Variants in CSNK1E observed in about 807,000 individuals in gnomAD.
CSNK1E encodes casein kinase 1 epsilon, also known as casein kinase I isoform epsilon.
Under a neutral mutation model 46.1 loss-of-function variants are expected in CSNK1E, and 17 were observed. That is an observed-to-expected ratio of 0.37 (90% confidence interval 0.25 to 0.55). The LOEUF is 0.55. Ranked by LOEUF, CSNK1E falls within the 20% of genes least tolerant of loss-of-function variation. The probability of loss-of-function intolerance (pLI) is 0.82; values close to 1 mark genes in which losing one functional copy is unlikely to be tolerated. For synonymous variants in CSNK1E, 241 were observed against 242.6 expected (o/e 0.99, Z 0.06); for missense variants, 386 against 595.4 (o/e 0.65, Z 3.66).
Position 38,297,743 on chromosome 22 carries a change from C to T in CSNK1E, c.885+1043G>A, listed in dbSNP as rs141719461. On this transcript the variant is annotated intron_variant, in intron 7 of 10. Transcript: ENST00000396832. Reference sequence around the variant, plus strand: ...CCATCCCTCCCTCAGGCTGTCCTGGCCCTCAAGGACCCCATGGCAGGGCCT... The same window carrying T: ...CCATCCCTCCCTCAGGCTGTCCTGGTCCTCAAGGACCCCATGGCAGGGCCT... 3.7e-4 allele frequency: 366 copies of T among 997,360 alleles called. 1 individual carries two copies. In the African/African-American group the frequency reaches 5.9e-3, roughly 16 times the overall value. 61.8% of individuals were successfully genotyped at this position (997,360 alleles called of 1,614,324 possible). A position where few individuals can be genotyped will look rare whatever the true frequency, so the allele number is the denominator to read the frequency against.
chr22:38,297,228 G>A lies in CSNK1E; in HGVS notation c.885+1558C>T. The A allele has an allele frequency of 6.7e-6, 5 of 741,688 alleles. No homozygotes were observed. In the South Asian group the frequency reaches 7.1e-5, roughly 11 times the overall value. 45.9% of individuals were successfully genotyped at this position (741,688 alleles called of 1,614,324 possible). On this transcript the variant is annotated intron_variant, in intron 7 of 10. Transcript: ENST00000396832. ...CAAGCCCATCACGAACCAGACGTGG[G>A]AGTGACTATCTCGATAAGAAAGTGC...
In CSNK1E at chr22:38,300,810, C is replaced by T. The variant is rs1230602951; in HGVS notation, c.479G>A (p.Arg160His). The change falls in exon 5 of 11, where the codon CGC (arginine) becomes CAC (histidine). Residue 160 changes from arginine to histidine, a missense_variant. Transcript: ENST00000396832. This position sits in a 1 kb window ranked among gnomAD's most constrained non-coding sequence, Gnocchi z 4.4. Reference sequence around the variant, plus strand: ...CCGGTAGGGAATGTGCTGGTGGGTGCGGGCGTCCCGGTACTTCTTGGCCAG... The same window carrying T: ...CCGGTAGGGAATGTGCTGGTGGGTGTGGGCGTCCCGGTACTTCTTGGCCAG... ...FGLAKKYRDA[R>H]THQHIPYREN... 4.3e-6 allele frequency: 7 copies of T among 1,614,094 alleles called. No individual in the cohort carries two copies. Among genetic ancestry groups the T allele is most frequent in the South Asian group, 1.1e-5 (1 of 91,090 alleles).
chr22:38,299,003 C>G (rs895127700), intron 6 of CSNK1E, 69 bp from the exon 7 acceptor site: 96 of 1,575,612 alleles, frequency 6.1e-5, no homozygotes, highest in Non-Finnish European at 9.6e-6. Flanking sequence ...CTGCAGCCAG[C>G]ACTGTCCTAG....
At chr22:38,307,722 G>A (rs2092704560) in intron 2 of CSNK1E, among the ~76,000 whole-genome samples, 1 of 152,112 alleles carries the variant, frequency 6.6e-6, no homozygotes, top group Admixed American at 6.5e-5. Context: ...TTTGAGACAG[G>A]GTCTCAATCT....
Position 38,315,337 on chromosome 22 carries a change from G to A in CSNK1E, c.-12-1168C>T, listed in dbSNP as rs138246927. Among the ~76,000 whole-genome samples the A allele has an allele frequency of 2.9e-3, 444 of 152,356 alleles. 2 individuals are homozygous for A. Among genetic ancestry groups the A allele is most frequent in the Non-Finnish European group, 4.5e-3 (304 of 68,032 alleles). ...TTCCAGGGACAGTGGGCAGATCCCA[G>A]GAGAGACAGGGAACCCCGGCACCTG... On this transcript the variant is annotated intron_variant, in intron 1 of 10. Coordinates refer to ENST00000396832, the MANE Select transcript of CSNK1E (RefSeq NM_152221.3).
At position 38,314,089 on chromosome 22, in the gene CSNK1E, G is replaced by A; in HGVS notation, c.69C>T (p.Ile23=). 6.2e-7 allele frequency: 1 copy of A among 1,613,920 alleles called. No individual in the cohort carries two copies. The highest frequency in any genetic ancestry group is 1.7e-5 in the Admixed American group (1 of 60,018). Residue 23 remains isoleucine (I), a synonymous_variant, in exon 2 of 11, where the codon ATC becomes ATT. Coordinates refer to ENST00000396832, the MANE Select transcript of CSNK1E (RefSeq NM_152221.3). ...GGAGCTAGGAACACTTACCCAGGTA[G>A]ATATCTCCGAAGGACCCGCTCCCGA... The part of the protein sequence containing the change: ...RKIGSGSFGD[I]YLGANIASGE...
chr22:38,298,744 C>T lies in CSNK1E; in HGVS notation c.885+42G>A, dbSNP rs1468378508. 2 of 1,611,558 alleles carry T rather than the reference C, an allele frequency of 1.2e-6. No homozygotes were observed. The highest frequency in any genetic ancestry group is 2.2e-5 in the South Asian group (2 of 90,912). On this transcript the variant is annotated intron_variant, in intron 7 of 10. Coordinates refer to ENST00000396832, the MANE Select transcript of CSNK1E (RefSeq NM_152221.3). This position sits in a 1 kb window ranked among gnomAD's most constrained non-coding sequence, Gnocchi z 4.2. The stretch of plus-strand genomic sequence containing the variant: ...TGGCCCTCTGAGTCAGGGCCTTCCC[C>T]ATCCAGTCCCCCAAGCCCGCCTTGG...
chr22:38,310,190 C>T (rs549310678), intron 2 of CSNK1E, among the ~76,000 whole-genome samples: 7 of 152,302 alleles, frequency 4.6e-5, no homozygotes, highest in Admixed American at 1.3e-4. Context: ...GGGTGCCCCA[C>T]ATGCGAAGGC....
At chr22:38,316,126 G>T (rs898557210) in intron 1 of CSNK1E, among the ~76,000 whole-genome samples, 1 of 151,612 alleles carries the variant, frequency 6.6e-6, no homozygotes, top group African/African-American at 2.4e-5. Context: ...TAAACAAAGT[G>T]GGGGGAAAAG....
chr22:38,297,937 G>GCTCCTCCAC (rs1210115921), intron 7 of CSNK1E: 2 of 1,115,716 alleles, frequency 1.8e-6, no homozygotes, highest in African/African-American at 3.4e-5. Context: ...TGGGGGGACA[G>GCTCCTCCAC]CTCCTCCACC....
chr22:38,316,718 C>T (rs1254503073), intron 1 of CSNK1E: 5 of 152,318 alleles, frequency 3.3e-5, no homozygotes, highest in Non-Finnish European at 5.9e-5. Context: ...CTTGCGAACC[C>T]CCAGGTCCGG....
At chr22:38,314,845 T>C (rs575197424) in intron 1 of CSNK1E, among the ~76,000 whole-genome samples, 2 of 152,106 alleles carry the variant, frequency 1.3e-5, no homozygotes, top group Non-Finnish European at 2.9e-5. Context: ...GCAGCTTCTC[T>C]CCTTCCTCAG....
chr22:38,302,892 A>C lies in CSNK1E; in HGVS notation c.305T>G (p.Leu102Arg), dbSNP rs1436055057. ...LFNFCSRKFS[L>R]KTVLLLADQM... ...GTCGGCCAAGAGCAGCACCGTCTTGAGGCTGAATTTGCGGGAACAGAAGTT... is the reference window on the plus strand; with the variant it reads ...GTCGGCCAAGAGCAGCACCGTCTTGCGGCTGAATTTGCGGGAACAGAAGTT... Residue 102 changes from leucine (L) to arginine (R), a missense_variant, in exon 4 of 11, where the codon CTC becomes CGC. This residue lies in a region of CSNK1E where 212 missense variants were observed against 410.2 expected (regional missense o/e 0.52). Coordinates refer to ENST00000396832, the MANE Select transcript of CSNK1E (RefSeq NM_152221.3). 6.2e-7 allele frequency: 1 copy of C among 1,614,112 alleles called. No homozygotes were observed.
rs2092604283 is a variant in CSNK1E, at chr22:38,290,748, A to G, written c.*1223T>C. 1 of 152,494 alleles carries G rather than the reference A, an allele frequency of 6.6e-6. No individual in the cohort carries two copies. Among genetic ancestry groups the G allele is most frequent in the African/African-American group, 2.4e-5 (1 of 41,420 alleles). 9.4% of individuals were successfully genotyped at this position (152,494 alleles called of 1,614,324 possible). A position where few individuals can be genotyped will look rare whatever the true frequency, so the allele number is the denominator to read the frequency against. On this transcript the variant is annotated 3_prime_UTR_variant, in exon 11 of 11. Coordinates refer to ENST00000396832, the MANE Select transcript of CSNK1E (RefSeq NM_152221.3). ...TTAACAACCACGATAAAGCTCAAAA[A>G]AGTCCAATATTTACACAGGAAAAAA...
intron 4 of CSNK1E, 94 bp downstream of exon 4, chr22:38,302,767 G>A (rs2092679797): frequency 6.8e-7 from 1 of 1,477,810 alleles, no homozygotes; most frequent in Non-Finnish European, 9.3e-7. Flanking sequence ...CCCTGGCCCA[G>A]GCCCATCCTC....
intron 7 of CSNK1E, among the ~76,000 whole-genome samples, chr22:38,297,403 GC>G (rs1358302606): frequency 1.3e-5 from 2 of 152,196 alleles, no homozygotes; most frequent in Non-Finnish European, 2.9e-5. Context: ...GGCAACAGAG[GC>G]CTCTCCCTGA....
rs2092632065 is a variant in CSNK1E, at chr22:38,294,950, C to T, written c.886-416G>A. On this transcript the variant is annotated intron_variant, in intron 7 of 10. Transcript: ENST00000396832. This position sits in a 1 kb window ranked among gnomAD's most constrained non-coding sequence, Gnocchi z 5.5. ...CCGAGCAGGAAAGCTGTTTAGAGGC[C>T]TCTAGCAGACTGGCTAGGGGTGTCC... Among the ~76,000 whole-genome samples, 1 of 152,222 alleles carries T rather than the reference C, an allele frequency of 6.6e-6. No individual in the cohort carries two copies. The highest frequency in any genetic ancestry group is 1.5e-5 in the Non-Finnish European group (1 of 68,036).
rs552806493 is a variant in CSNK1E at position 38,294,713 on chromosome 22, G to C, written c.886-179C>G. ...CCACAATCACACAGCACAGAGACAC[G>C]AAGCCACACAACCACCAGAGGAAGG... is the stretch of plus-strand genomic sequence containing the variant. On this transcript the variant is annotated intron_variant, in intron 7 of 10. Coordinates refer to ENST00000396832, the MANE Select transcript of CSNK1E (RefSeq NM_152221.3). The surrounding 1 kb of genome is among the most constrained non-coding windows in gnomAD (Gnocchi z 5.5). 1.3e-5 allele frequency among the ~76,000 whole-genome samples: 2 copies of C among 152,288 alleles called. No homozygotes were observed. The highest frequency in any genetic ancestry group is 3.9e-4 in the East Asian group (2 of 5,168).
In CSNK1E at chr22:38,309,280, G is replaced by A. The variant is rs573181173; in HGVS notation, c.76+4802C>T. 1.3e-5 allele frequency among the ~76,000 whole-genome samples: 2 copies of A among 152,174 alleles called. No individual in the cohort carries two copies. The highest frequency in any genetic ancestry group is 2.4e-5 in the African/African-American group (1 of 41,452). ...CTACAGAGACCAGGCAAGAGCTGAC[G>A]GTGGCCCTGCCTGGGCAGGGTGCAG... On this transcript the variant is annotated intron_variant, in intron 2 of 10. Transcript: ENST00000396832. The surrounding 1 kb of genome is among the most constrained non-coding windows in gnomAD (Gnocchi z 4.8).
Sources: allele counts gnomAD v4.1 joint callset (sites outside exome capture counted in the v4.1 genomes callset), GRCh38; gene constraint gnomAD v4.1.1; regional missense constraint gnomAD v4.1.1; non-coding constraint Gnocchi (gnomAD v3.1); transcripts MANE v1.5; gene names NCBI Gene and HGNC (gene_info 2026-07-23, HGNC 2026-07-21).